RALGPS1: variants seen among roughly 807,000 people sequenced by gnomAD.
RALGPS1 encodes the protein ras-specific guanine nucleotide-releasing factor RalGPS1.
RALGPS1 carries 19 observed loss-of-function variants against 78.8 expected under a neutral mutation model. The observed-to-expected ratio is 0.24, with a 90% CI of 0.17 to 0.35. The LOEUF (loss-of-function observed/expected upper bound fraction) is 0.35, where lower values mean the gene tolerates loss of function less well. Ranked by LOEUF, RALGPS1 falls within the 10% of genes least tolerant of loss-of-function variation. The probability of loss-of-function intolerance (pLI) is 1.00; values close to 1 mark genes in which losing one functional copy is unlikely to be tolerated. For synonymous variants in RALGPS1, 228 were observed against 256.3 expected, an observed-to-expected ratio of 0.89 and a Z score of 1.06; for missense variants, 454 against 688.3, an observed-to-expected ratio of 0.66 and a Z score of 3.81.
chr9:126,995,304 C>T (rs559350837), intron 4 of RALGPS1, among the ~76,000 whole-genome samples: 1 of 152,170 alleles, frequency 6.6e-6, no homozygotes, highest in South Asian at 2.1e-4. Flanking sequence ...TGCAGAGACA[C>T]ACATAGGCTC....
At chr9:127,084,099 TA>T (rs2051442731) in intron 8 of RALGPS1, among the ~76,000 whole-genome samples, 4 of 152,006 alleles carry the variant, frequency 2.6e-5, no homozygotes, top group Admixed American at 2.6e-4. Flanking sequence ...ATTAATTAAT[TA>T]ATTTTGGTAG....
At chr9:126,970,261 T>C (rs2039977276) in intron 3 of RALGPS1, among the ~76,000 whole-genome samples, 1 of 152,148 alleles carries the variant, frequency 6.6e-6, no homozygotes, top group Non-Finnish European at 1.5e-5. Context: ...GTTGAATATA[T>C]ACCACCAACA....
rs2059988675 is a variant in RALGPS1 at position 127,178,126 on chromosome 9, A to T, written c.910+3344A>T. The T allele has an allele frequency of 1.8e-5, 17 of 922,648 alleles. No homozygotes were observed. The South Asian group carries it at 1.9e-4, about 10-fold the overall frequency. The allele number at this position is 922,648 out of a possible 1,614,324, so 57.2% of individuals were successfully genotyped here. ...CCCAGGGATGGCTGAGTTCTGGAGGATGATTGGCTGTGCAGGGTCTGTGGG... is the reference window on the plus strand; with the variant it reads ...CCCAGGGATGGCTGAGTTCTGGAGGTTGATTGGCTGTGCAGGGTCTGTGGG... On this transcript the variant is annotated intron_variant, in intron 11 of 18. Coordinates refer to ENST00000259351, the MANE Select transcript of RALGPS1 (RefSeq NM_014636.3).
At chr9:126,949,274 G>A (rs928296915) in intron 1 of RALGPS1, among the ~76,000 whole-genome samples, 1 of 151,988 alleles carries the variant, frequency 6.6e-6, no homozygotes, top group Non-Finnish European at 1.5e-5. Flanking sequence ...AATAAACATA[G>A]GTGTGCATGT....
chr9:126,970,963 T>C (rs560986142), intron 3 of RALGPS1, among the ~76,000 whole-genome samples: 223 of 152,016 alleles, frequency 1.5e-3, no homozygotes, highest in African/African-American at 5.2e-3. Flanking sequence ...AAATCAGAAA[T>C]ACAAAAATCT....
At chr9:127,047,755 T>C (rs1376902101) in intron 5 of RALGPS1, among the ~76,000 whole-genome samples, 1 of 151,954 alleles carries the variant, frequency 6.6e-6, no homozygotes, top group Non-Finnish European at 1.5e-5. Flanking sequence ...GTGTTTATGA[T>C]GTTGGTCTAT....
At chr9:126,970,837 A>G (rs374448347) in intron 3 of RALGPS1, among the ~76,000 whole-genome samples, 42 of 152,344 alleles carry the variant, frequency 2.8e-4, no homozygotes, top group Middle Eastern at 3.4e-3. Context: ...TTATTGTACA[A>G]AAAAAGAGAC....
At chr9:127,217,058 C>T in intron 18 of RALGPS1, 1 of 1,432,074 alleles carries the variant, frequency 7.0e-7, no homozygotes, top group Non-Finnish European at 9.2e-7. Context: ...CTGAGTAAAA[C>T]CCATTGTCCC....
chr9:126,963,406 T>C (rs2039110897), intron 2 of RALGPS1, among the ~76,000 whole-genome samples: 1 of 152,216 alleles, frequency 6.6e-6, no homozygotes, highest in Admixed American at 6.5e-5. Context: ...TGTATACACA[T>C]TATACACATT....
intron 4 of RALGPS1, among the ~76,000 whole-genome samples, chr9:127,006,019 G>A (rs915476380): frequency 1.6e-4 from 24 of 152,158 alleles, no homozygotes; most frequent in African/African-American, 5.8e-4. Context: ...ATCTCTTCAT[G>A]CTAAAAACAC....
chr9:127,199,139 G>T (rs537205294), intron 14 of RALGPS1, 73 bp downstream of exon 14: 1 of 1,406,382 alleles, frequency 7.1e-7, no homozygotes, highest in Non-Finnish European at 1.0e-6. Flanking sequence ...GACAGGCCCC[G>T]GGCAGGGACG....
Position 127,212,821 on chromosome 9 carries a change from T to C in RALGPS1, c.1446+102T>C. The C allele has an allele frequency of 6.5e-7, 1 of 1,542,108 alleles. No homozygotes were observed. Among genetic ancestry groups the C allele is most frequent in the Non-Finnish European group, 8.9e-7 (1 of 1,128,098 alleles). ...GGGTGGGAAAGGGATCTGTGTGAAC[T>C]GCGGAGGATGCAGGTGGGAAGGCGG... On this transcript the variant is annotated intron_variant, in intron 16 of 18. Transcript: ENST00000259351. The surrounding 1 kb of genome is among the most constrained non-coding windows in gnomAD (Gnocchi z 6.0).
At chr9:127,053,218 G>A (rs559580386) in intron 7 of RALGPS1, among the ~76,000 whole-genome samples, 2 of 152,258 alleles carry the variant, frequency 1.3e-5, no homozygotes, top group East Asian at 1.9e-4. Flanking sequence ...CCGGGTCAGC[G>A]GCATGACTTC....
At chr9:127,191,125 A>C (rs1465570550) in intron 11 of RALGPS1, among the ~76,000 whole-genome samples, 2 of 152,154 alleles carry the variant, frequency 1.3e-5, no homozygotes, top group Non-Finnish European at 2.9e-5. Flanking sequence ...GTGTATCTGA[A>C]AGCTAATCCT....
chr9:127,035,386 G>T (rs551888765), intron 5 of RALGPS1, among the ~76,000 whole-genome samples: 1 of 152,214 alleles, frequency 6.6e-6, no homozygotes, highest in East Asian at 1.9e-4. Flanking sequence ...AGGGAGGTAG[G>T]GTGTCTTATT....
At chr9:126,960,347 C>CCTCA (rs963581852) in intron 1 of RALGPS1, among the ~76,000 whole-genome samples, 3 of 151,552 alleles carry the variant, frequency 2.0e-5, no homozygotes, top group African/African-American at 7.3e-5. Context: ...AATTCTCTTG[C>CCTCA]CTCAGCTTCC....
chr9:126,924,580 A>G (rs1308481508), intron 1 of RALGPS1, among the ~76,000 whole-genome samples: 1 of 152,258 alleles, frequency 6.6e-6, no homozygotes, highest in Non-Finnish European at 1.5e-5. Context: ...TTTGGTGTGC[A>G]TGCATCCTTT....
At position 127,091,767 on chromosome 9, in the gene RALGPS1, C is replaced by T; in HGVS notation, c.610+22411C>T. The T allele has an allele frequency of 6.2e-7, 1 of 1,614,190 alleles. No homozygotes were observed. The highest frequency in any genetic ancestry group is 8.5e-7 in the Non-Finnish European group (1 of 1,180,032). On this transcript the variant is annotated intron_variant, in intron 8 of 18. Transcript: ENST00000259351. The surrounding 1 kb of genome is among the most constrained non-coding windows in gnomAD (Gnocchi z 4.3). ...CATTGCCATGGTAGCGCCCCAGCCG[C>T]AGCTTATAATACTCGCTCTCAGGTT...
At chr9:127,078,150 C>T (rs1175462585) in intron 8 of RALGPS1, among the ~76,000 whole-genome samples, 2 of 152,158 alleles carry the variant, frequency 1.3e-5, no homozygotes, top group Non-Finnish European at 1.5e-5. Context: ...ACTTCCCAGT[C>T]AACAGAATGA....
Sources: allele counts gnomAD v4.1 joint callset (sites outside exome capture counted in the v4.1 genomes callset), GRCh38; gene constraint gnomAD v4.1.1; non-coding constraint Gnocchi (gnomAD v3.1); transcripts MANE v1.5; gene names NCBI Gene and HGNC (gene_info 2026-07-23, HGNC 2026-07-21).